Variants in LRRC20 observed in about 807,000 individuals in gnomAD.
LRRC20 encodes the protein leucine-rich repeat-containing protein 20.
LRRC20 carries 11 observed loss-of-function variants against 14.4 expected under a neutral mutation model. The ratio of observed to expected loss-of-function variants is 0.77; its 90% confidence interval spans 0.48 to 1.27. The LOEUF (loss-of-function observed/expected upper bound fraction) is 1.27. LRRC20 is among the 50% of genes most tolerant of loss of function. The pLI is 0.00. For synonymous variants in LRRC20, 121 were observed against 107.3 expected (o/e 1.13, Z -0.79); for missense variants, 219 against 251.2 (o/e 0.87, Z 0.87).
intron 2 of LRRC20, among the ~76,000 whole-genome samples, chr10:70,365,169 C>A (rs1428467270): frequency 2.7e-5 from 4 of 150,274 alleles, no homozygotes; most frequent in Admixed American, 2.0e-4. Flanking sequence ...AAGAGATTCT[C>A]CTGCCTCCGC....
intron 2 of LRRC20, among the ~76,000 whole-genome samples, chr10:70,351,216 A>G (rs1589103971): frequency 6.6e-6 from 1 of 151,832 alleles, no homozygotes; most frequent in Non-Finnish European, 1.5e-5. Flanking sequence ...TCATCTGAAG[A>G]GGCTGGTCCT....
chr10:70,356,678 C>T (rs1351548597), intron 2 of LRRC20, among the ~76,000 whole-genome samples: 5 of 152,100 alleles, frequency 3.3e-5, no homozygotes, highest in Non-Finnish European at 5.9e-5. Flanking sequence ...TGGTGAAACC[C>T]CGTCTCTACT....
At chr10:70,350,940 C>T (rs1843279736) in intron 2 of LRRC20, among the ~76,000 whole-genome samples, 2 of 152,164 alleles carry the variant, frequency 1.3e-5, no homozygotes, top group Non-Finnish European at 2.9e-5. Context: ...AATCCTAGCA[C>T]TTTGGGAGAC....
At chr10:70,330,153 T>C (rs1684210234) in intron 3 of LRRC20, among the ~76,000 whole-genome samples, 1 of 152,222 alleles carries the variant, frequency 6.6e-6, no homozygotes, top group Non-Finnish European at 1.5e-5. Flanking sequence ...TTCCCTTCTA[T>C]TTTCTGGAAG....
chr10:70,337,439 G>A (rs901672883), intron 3 of LRRC20, among the ~76,000 whole-genome samples: 1 of 152,194 alleles, frequency 6.6e-6, no homozygotes, highest in African/African-American at 2.4e-5. Context: ...TTGAGGCAGC[G>A]TGAGGGAGTC....
At position 70,301,432 on chromosome 10, in the gene LRRC20, C is replaced by T. The variant is rs373556330; in HGVS notation, c.477G>A (p.Glu159=). ...INLRFNPLNA[E]VRVIAPPLIK... is the part of the protein sequence containing the mutation. Reference sequence around the variant, plus strand: ...TGAGCGGCGGGGCGATCACGCGCACCTCGGCGTTGAGTGGGTTGAAGCGGA... The same window carrying T: ...TGAGCGGCGGGGCGATCACGCGCACTTCGGCGTTGAGTGGGTTGAAGCGGA... The change falls in exon 5 of 5, where the codon GAG becomes GAA. Residue 159 remains glutamate, a synonymous_variant. Coordinates refer to ENST00000446961, the MANE Select transcript of LRRC20 (RefSeq NM_001278212.2). 6.8e-5 allele frequency: 110 copies of T among 1,613,912 alleles called. 4 individuals carry two copies. Among genetic ancestry groups the T allele is most frequent in the South Asian group, 3.6e-4 (33 of 91,090 alleles).
At chr10:70,302,691 A>G (rs1189627498) in intron 4 of LRRC20, among the ~76,000 whole-genome samples, 1 of 151,638 alleles carries the variant, frequency 6.6e-6, no homozygotes, top group Non-Finnish European at 1.5e-5. Context: ...TGGGCAACAT[A>G]GTGAGACCCC....
In LRRC20 at chr10:70,323,947, G is replaced by C; in HGVS notation, c.316C>G (p.Arg106Gly). ...LQHLKAIDLS[R>G]NQFQDFPEQL... Reference sequence around the variant, plus strand: ...TCAGGGAAGTCCTGGAACTGGTTCCGGGACAGGTCAATGGCCTTGAGGTGC... The same window carrying C: ...TCAGGGAAGTCCTGGAACTGGTTCCCGGACAGGTCAATGGCCTTGAGGTGC... Residue 106 changes from arginine to glycine, a missense_variant, in exon 4 of 5, where the codon CGG (arginine) becomes GGG (glycine). Transcript: ENST00000446961. 8 of 1,614,166 alleles carry C rather than the reference G, an allele frequency of 5.0e-6. No individual in the cohort carries two copies. The highest frequency in any genetic ancestry group is 6.8e-6 in the Non-Finnish European group (8 of 1,179,992).
intron 2 of LRRC20, among the ~76,000 whole-genome samples, chr10:70,365,509 A>G (rs1364145580): frequency 3.3e-5 from 5 of 152,208 alleles, no homozygotes; most frequent in African/African-American, 9.7e-5. Context: ...TAAAAGATAA[A>G]ACGATAAATT....
intron 2 of LRRC20, among the ~76,000 whole-genome samples, chr10:70,361,537 T>TA (rs1258129600): frequency 1.3e-5 from 2 of 151,614 alleles, no homozygotes; most frequent in Non-Finnish European, 2.9e-5. Flanking sequence ...GAGACAAGAA[T>TA]AAAAAGGATA....
At chr10:70,371,722 C>T (rs771734858) in intron 2 of LRRC20, among the ~76,000 whole-genome samples, 5 of 152,050 alleles carry the variant, frequency 3.3e-5, no homozygotes, top group Admixed American at 6.6e-5. Context: ...TTAGAAACAT[C>T]GAGAAGATGA....
intron 2 of LRRC20, among the ~76,000 whole-genome samples, chr10:70,375,556 T>TGTGA (rs1844475174): frequency 6.6e-6 from 1 of 152,124 alleles, no homozygotes; most frequent in African/African-American, 2.4e-5. Context: ...AGCGCTCCTT[T>TGTGA]GTGAGACAGA....
intron 2 of LRRC20, among the ~76,000 whole-genome samples, chr10:70,372,786 C>T (rs554662208): frequency 1.3e-5 from 2 of 152,086 alleles, no homozygotes; most frequent in East Asian, 1.9e-4. Flanking sequence ...AAATATTACG[C>T]TCCATTGTTG....
chr10:70,308,901 C>T (rs1168240827), intron 4 of LRRC20, among the ~76,000 whole-genome samples: 8 of 152,226 alleles, frequency 5.3e-5, no homozygotes, highest in Non-Finnish European at 8.8e-5. Flanking sequence ...CTGCCAGCAG[C>T]CTGGCCTCGC....
Position 70,368,669 on chromosome 10 carries a change from G to A in LRRC20, c.82+7783C>T, listed in dbSNP as rs1844134175. ...TGAGTCTTGCTCTGTCACCTAGGCT[G>A]GAGTGCAGTGGCATGATCTCAGCTC... On this transcript the variant is annotated intron_variant, in intron 2 of 4. Coordinates refer to ENST00000446961, the MANE Select transcript of LRRC20 (RefSeq NM_001278212.2). 3.3e-5 allele frequency among the ~76,000 whole-genome samples: 5 copies of A among 151,952 alleles called. No individual in the cohort carries two copies. In the South Asian group the frequency reaches 1.0e-3, roughly 32 times the overall value.
intron 4 of LRRC20, among the ~76,000 whole-genome samples, chr10:70,323,291 G>A (rs545840718): frequency 1.4e-4 from 22 of 152,250 alleles, no homozygotes; most frequent in African/African-American, 2.2e-4. Context: ...AGGAGAGACC[G>A]CTTCCTGACC....
chr10:70,372,503 G>A (rs987427972), intron 2 of LRRC20, among the ~76,000 whole-genome samples: 8 of 147,096 alleles, frequency 5.4e-5, no homozygotes, highest in South Asian at 2.2e-4. Context: ...GTCCAGTGGC[G>A]CAATCTCAGC....
Position 70,323,918 on chromosome 10 carries a change from C to A in LRRC20, c.345G>T (p.Gln115His), listed in dbSNP as rs1433680780. The A allele has an allele frequency of 6.2e-7, 1 of 1,614,218 alleles. No individual in the cohort carries two copies. The highest frequency in any genetic ancestry group is 8.5e-7 in the Non-Finnish European group (1 of 1,180,036). Residue 115 changes from glutamine to histidine, a missense_variant, in exon 4 of 5, where the codon CAG becomes CAT. Coordinates refer to ENST00000446961, the MANE Select transcript of LRRC20 (RefSeq NM_001278212.2). ...SRNQFQDFPE[Q>H]LTALPALETI... is the part of the protein sequence containing the mutation. ...TCTCCAGCGCCGGCAGGGCGGTAAG[C>A]TGCTCAGGGAAGTCCTGGAACTGGT...
chr10:70,317,701 T>C (rs1033892397), intron 4 of LRRC20, among the ~76,000 whole-genome samples: 1 of 152,180 alleles, frequency 6.6e-6, no homozygotes, highest in Non-Finnish European at 1.5e-5. Flanking sequence ...CTCTGTGTCA[T>C]CCAGGCTGAA....
Sources: allele counts gnomAD v4.1 joint callset (sites outside exome capture counted in the v4.1 genomes callset), GRCh38; gene constraint gnomAD v4.1.1; transcripts MANE v1.5; gene names NCBI Gene and HGNC (gene_info 2026-07-23, HGNC 2026-07-21).